Variants in IFT88 observed in about 807,000 individuals in gnomAD.
IFT88 encodes the protein intraflagellar transport 88, also known as intraflagellar transport protein 88 homolog.
In IFT88, 74 loss-of-function variants were observed where a neutral mutation model predicts 119.5. The ratio of observed to expected loss-of-function variants is 0.62; its 90% CI spans 0.51 to 0.75. The LOEUF (loss-of-function observed/expected upper bound fraction) is 0.75. Ranked by LOEUF, IFT88 falls within the 30% of genes least tolerant of loss-of-function variation. IFT88 has a pLI of 0.00. For synonymous variants in IFT88, 279 were observed against 316.7 expected (o/e 0.88, Z 1.26); for missense variants, 961 against 977.7 (o/e 0.98, Z 0.23).
chr13:20,584,972 G>A (rs747360496), intron 3 of IFT88, among the ~76,000 whole-genome samples: 29 of 152,170 alleles, frequency 1.9e-4, no homozygotes, highest in Admixed American at 1.4e-3. Flanking sequence ...GGCAGCCCCC[G>A]GTAATAAAGA....
rs1040708492 is a variant in IFT88, at chr13:20,569,628, G to T, written c.-7+2372G>T. Reference sequence around the variant, plus strand: ...TGCTTCAGAGGATAGTACAAAGAATGTAAAATGATGTACAGAATGGGAGAA... The same window carrying T: ...TGCTTCAGAGGATAGTACAAAGAATTTAAAATGATGTACAGAATGGGAGAA... On this transcript the variant is annotated intron_variant, in intron 1 of 25. Transcript: ENST00000351808. 4.6e-5 allele frequency among the ~76,000 whole-genome samples: 7 copies of T among 151,930 alleles called. No individual in the cohort carries two copies. The South Asian group carries it at 1.5e-3, about 32-fold the overall frequency.
intron 24 of IFT88, among the ~76,000 whole-genome samples, chr13:20,680,384 T>G (rs763465666): frequency 2.0e-5 from 3 of 152,218 alleles, no homozygotes; most frequent in African/African-American, 2.4e-5. Context: ...CTAAAAACTT[T>G]CGTTAGTGTA....
At chr13:20,585,929 T>A (rs557829022) in intron 3 of IFT88, among the ~76,000 whole-genome samples, 1 of 152,374 alleles carries the variant, frequency 6.6e-6, no homozygotes, top group East Asian at 1.9e-4. Flanking sequence ...GACTGTAAGC[T>A]TTTCAAAGAG....
In IFT88 at chr13:20,625,798, T is replaced by C; in HGVS notation, c.1248T>C (p.Asp416=). ...KASQYVELAN[D]LEINKAVTYL... The stretch of plus-strand genomic sequence containing the variant: ...CTCAATATGTAGAGCTAGCCAATGA[T>C]CTGGAAATAAACAAAGCAGTTACAT... The change falls in exon 15 of 26, where the codon GAT becomes GAC. Residue 416 remains aspartate, a synonymous_variant. Transcript: ENST00000351808. 1.2e-6 allele frequency: 2 copies of C among 1,604,468 alleles called. No individual in the cohort carries two copies. Among genetic ancestry groups the C allele is most frequent in the East Asian group, 2.3e-5 (1 of 44,210 alleles).
chr13:20,597,319 A>G (rs892051130), intron 9 of IFT88, among the ~76,000 whole-genome samples, 200 bp downstream of exon 9: 1 of 152,078 alleles, frequency 6.6e-6, no homozygotes, highest in African/African-American at 2.4e-5. Flanking sequence ...TTAACTAGTT[A>G]TTTTAGGCTG....
Position 20,674,719 on chromosome 13 carries a change from TATATA to T in IFT88, c.2242+3681_2242+3685del, listed in dbSNP as rs753235320. ...CTGAAGTTTTATATATATATATATA[TATATA>T]TTTTTTTTTTTTTTTTTTTTTGAGA... On this transcript the variant is annotated intron_variant, in intron 24 of 25. Transcript: ENST00000351808. Among the ~76,000 whole-genome samples the T allele has an allele frequency of 3.4e-3, 109 of 32,132 alleles. 5 individuals carry two copies. The highest frequency in any genetic ancestry group is 0.01 in the African/African-American group (102 of 10,168). The allele number at this position is 32,132 out of a possible 152,430, so 21.1% of individuals were successfully genotyped here. A position where few individuals can be genotyped will look rare whatever the true frequency, so the allele number is the denominator to read the frequency against.
chr13:20,673,517 G>GA (rs758028655), intron 24 of IFT88, among the ~76,000 whole-genome samples: 1 of 152,198 alleles, frequency 6.6e-6, no homozygotes, highest in Non-Finnish European at 1.5e-5. Context: ...CCTTTGACAT[G>GA]AAGAATTGCC....
intron 11 of IFT88, among the ~76,000 whole-genome samples, chr13:20,599,964 T>C (rs902768009): frequency 2.0e-5 from 3 of 151,938 alleles, no homozygotes; most frequent in Non-Finnish European, 4.4e-5. Flanking sequence ...TACTTCTGAG[T>C]CTTAGAAGAG....
intron 22 of IFT88, chr13:20,663,291 G>GGA (rs1466112824): frequency 6.0e-6 from 9 of 1,487,838 alleles, no homozygotes; most frequent in Non-Finnish European, 7.2e-6. Flanking sequence ...CAGGACACAT[G>GGA]GAGAGAGACC....
intron 13 of IFT88, among the ~76,000 whole-genome samples, chr13:20,610,101 GC>G (rs1214651068): frequency 1.7e-3 from 83 of 48,400 alleles, no homozygotes; most frequent in African/African-American, 4.6e-3. Context: ...ATGCTTGACT[GC>G]TGTTTTTTTT....
intron 20 of IFT88, among the ~76,000 whole-genome samples, chr13:20,649,487 A>G: frequency 6.6e-6 from 1 of 152,278 alleles, no homozygotes; most frequent in Non-Finnish European, 1.5e-5. Context: ...AACTTACAAG[A>G]TGCTGCAAAA....
intron 1 of IFT88, among the ~76,000 whole-genome samples, chr13:20,567,458 C>G (rs1202582280): frequency 1.3e-5 from 2 of 152,248 alleles, no homozygotes; most frequent in Non-Finnish European, 2.9e-5. Flanking sequence ...GTTGTCTACT[C>G]AGAAACGCGG....
chr13:20,597,037 C>T lies in IFT88; in HGVS notation c.512C>T (p.Ala171Val). 1 of 1,603,222 alleles carries T rather than the reference C, an allele frequency of 6.2e-7. No individual in the cohort carries two copies. Residue 171 changes from alanine to valine, a missense_variant, in exon 9 of 26, where the codon GCA (alanine) becomes GTA (valine). Ala to Val is a moderately conservative substitution (Grantham distance 64). Coordinates refer to ENST00000351808, the MANE Select transcript of IFT88 (RefSeq NM_006531.5). ...CAGGCCTTAGAAAAGGCAAAAGATG[C>T]AGGAAGAAAAGAGAGAGTCCTGGTG... is the stretch of plus-strand genomic sequence containing the variant. Reference protein sequence around the residue: ...LKLALEKAKDAGRKERVLVRQ... With the variant: ...LKLALEKAKDVGRKERVLVRQ...
At chr13:20,648,602 T>TA (rs1006527798) in intron 20 of IFT88, among the ~76,000 whole-genome samples, 3 of 151,668 alleles carry the variant, frequency 2.0e-5, no homozygotes, top group Non-Finnish European at 2.9e-5. Context: ...AGAGTAGTAA[T>TA]GGAAGAATTG....
chr13:20,663,038 C>T (rs989109058), intron 22 of IFT88, among the ~76,000 whole-genome samples: 8 of 152,146 alleles, frequency 5.3e-5, no homozygotes, highest in Admixed American at 2.0e-4. Flanking sequence ...TTTTTATCTT[C>T]CTAGTGCTTT....
At chr13:20,666,584 T>A (rs938346971) in intron 23 of IFT88, among the ~76,000 whole-genome samples, 8 of 152,248 alleles carry the variant, frequency 5.3e-5, no homozygotes, top group Admixed American at 5.2e-4. Flanking sequence ...AAAAAATGTT[T>A]ATTTTCTCTC....
intron 23 of IFT88, among the ~76,000 whole-genome samples, chr13:20,667,205 T>G (rs1566423146): frequency 6.6e-6 from 1 of 152,224 alleles, no homozygotes; most frequent in African/African-American, 2.4e-5. Context: ...GATAAGAATT[T>G]CTGTGAACTT....
chr13:20,666,083 A>G (rs2054624183), intron 23 of IFT88, among the ~76,000 whole-genome samples: 1 of 152,202 alleles, frequency 6.6e-6, no homozygotes. Context: ...GTTCCATAGA[A>G]CCGAAACCCA....
intron 15 of IFT88, among the ~76,000 whole-genome samples, chr13:20,628,107 C>A (rs1313651979): frequency 6.6e-6 from 1 of 152,066 alleles, no homozygotes; most frequent in Non-Finnish European, 1.5e-5. Context: ...TCATAATAAT[C>A]ATTTGATGGC....
Sources: allele counts gnomAD v4.1 joint callset (sites outside exome capture counted in the v4.1 genomes callset), GRCh38; gene constraint gnomAD v4.1.1; transcripts MANE v1.5; gene names NCBI Gene and HGNC (gene_info 2026-07-23, HGNC 2026-07-21).